The following CACNA2D3 variants were observed in gnomAD, a reference collection of about 807,000 sequenced individuals.
CACNA2D3 encodes calcium voltage-gated channel auxiliary subunit alpha2delta 3.
Under a neutral mutation model 160.6 loss-of-function variants are expected in CACNA2D3, and 60 were observed. The observed-to-expected ratio is 0.37, with a 90% CI of 0.30 to 0.46. The LOEUF (loss-of-function observed/expected upper bound fraction) is 0.46, where lower values mean the gene tolerates loss of function less well. CACNA2D3 is among the 20% of genes least tolerant of loss of function. CACNA2D3 has a pLI of 1.00. For missense variants in CACNA2D3, 1,205 were observed against 1,365.0 expected (o/e 0.88, Z 1.85); for synonymous variants, 558 against 492.9 (o/e 1.13, Z -1.75).
intron 17 of CACNA2D3, among the ~76,000 whole-genome samples, chr3:54,852,496 C>T (rs959457372): frequency 3.9e-5 from 6 of 152,306 alleles, no homozygotes; most frequent in African/African-American, 1.4e-4. Context: ...CGCACCTCCG[C>T]TGGAATTTAA....
At chr3:54,899,005 A>G (rs1485624272) in intron 26 of CACNA2D3, among the ~76,000 whole-genome samples, 2 of 152,154 alleles carry the variant, frequency 1.3e-5, no homozygotes, top group Non-Finnish European at 2.9e-5. Flanking sequence ...AAAATTTCTC[A>G]TTACTTTGGT....
intron 13 of CACNA2D3, among the ~76,000 whole-genome samples, chr3:54,777,744 C>A (rs1416261981): frequency 6.6e-6 from 1 of 152,092 alleles, no homozygotes; most frequent in Non-Finnish European, 1.5e-5. Flanking sequence ...TGGAAAGAGC[C>A]TTCCTTTGAG....
At chr3:54,224,705 CTT>C (rs1270041496) in intron 2 of CACNA2D3, among the ~76,000 whole-genome samples, 1 of 152,140 alleles carries the variant, frequency 6.6e-6, no homozygotes, top group African/African-American at 2.4e-5. Flanking sequence ...TCAGGTCTCT[CTT>C]GTTTTAAATT....
chr3:54,484,660 TTC>T (rs1203970969), intron 4 of CACNA2D3, among the ~76,000 whole-genome samples: 2 of 152,058 alleles, frequency 1.3e-5, no homozygotes, highest in African/African-American at 4.8e-5. Flanking sequence ...AGGCCACATA[TTC>T]TGTGTCTATC....
At chr3:54,931,436 C>T (rs558005756) in intron 27 of CACNA2D3, among the ~76,000 whole-genome samples, 1 of 152,302 alleles carries the variant, frequency 6.6e-6, no homozygotes, top group African/African-American at 2.4e-5. Flanking sequence ...CATGCTAATG[C>T]TAGGCAGTGC....
At chr3:54,833,689 A>G (rs1291489678) in intron 14 of CACNA2D3, among the ~76,000 whole-genome samples, 1 of 152,152 alleles carries the variant, frequency 6.6e-6, no homozygotes, top group African/African-American at 2.4e-5. Context: ...TGAACTTGCA[A>G]ATTGATGTGT....
chr3:54,172,418 A>T (rs772542970), intron 2 of CACNA2D3, among the ~76,000 whole-genome samples: 26 of 151,964 alleles, frequency 1.7e-4, no homozygotes, highest in Non-Finnish European at 3.5e-4. Flanking sequence ...CCTAAATCTA[A>T]AGACTCCCTC....
intron 31 of CACNA2D3, among the ~76,000 whole-genome samples, chr3:54,989,010 G>A (rs552505312): frequency 5.3e-5 from 8 of 152,162 alleles, no homozygotes; most frequent in Non-Finnish European, 1.2e-4. Flanking sequence ...TTGGATCTGG[G>A]CTGGAGTGGC....
chr3:54,244,066 C>T (rs1702023303), intron 2 of CACNA2D3, among the ~76,000 whole-genome samples: 1 of 152,114 alleles, frequency 6.6e-6, no homozygotes, highest in African/African-American at 2.4e-5. Context: ...CCTAGTAATG[C>T]CCCCCAGTCC....
intron 13 of CACNA2D3, among the ~76,000 whole-genome samples, chr3:54,776,639 CTCTG>C (rs1233668250): frequency 6.6e-6 from 1 of 152,142 alleles, no homozygotes; most frequent in East Asian, 1.9e-4. Flanking sequence ...ATTTCTAGAC[CTCTG>C]TCTTTCTGTC....
At chr3:54,383,401 G>C (rs1001009157) in intron 3 of CACNA2D3, among the ~76,000 whole-genome samples, 4 of 152,118 alleles carry the variant, frequency 2.6e-5, no homozygotes, top group Non-Finnish European at 2.9e-5. Flanking sequence ...CAACCCGGTG[G>C]GTGCTGCATG....
intron 4 of CACNA2D3, among the ~76,000 whole-genome samples, chr3:54,466,489 G>A (rs538555316): frequency 1.3e-5 from 2 of 152,224 alleles, no homozygotes; most frequent in Admixed American, 1.3e-4. Flanking sequence ...ATTTTTGGAA[G>A]GAAGGAAAAT....
intron 27 of CACNA2D3, among the ~76,000 whole-genome samples, chr3:54,929,168 AG>A (rs1261155879): frequency 6.6e-6 from 1 of 152,162 alleles, no homozygotes; most frequent in Non-Finnish European, 1.5e-5. Context: ...GCGTGTCTCC[AG>A]GCAAGTGACT....
intron 30 of CACNA2D3, among the ~76,000 whole-genome samples, chr3:54,985,259 A>C (rs1036818476): frequency 1.3e-5 from 2 of 152,092 alleles, no homozygotes; most frequent in Non-Finnish European, 2.9e-5. Flanking sequence ...GGAGGGAGAG[A>C]GATGAAAAGA....
intron 27 of CACNA2D3, among the ~76,000 whole-genome samples, chr3:54,943,248 A>G (rs1488053183): frequency 6.6e-6 from 1 of 152,038 alleles, no homozygotes; most frequent in East Asian, 1.9e-4. Context: ...TTTAAAAAAG[A>G]AAAAAATCAT....
intron 9 of CACNA2D3, among the ~76,000 whole-genome samples, chr3:54,589,012 T>C (rs1044416593): frequency 4.6e-5 from 7 of 152,020 alleles, no homozygotes; most frequent in Non-Finnish European, 7.4e-5. Flanking sequence ...ATCTGCAAGA[T>C]TTGTGTAGAG....
chr3:54,532,700 A>G (rs2106643624), intron 5 of CACNA2D3, among the ~76,000 whole-genome samples: 1 of 152,298 alleles, frequency 6.6e-6, no homozygotes, highest in Non-Finnish European at 1.5e-5. Context: ...CCAGTCATCC[A>G]TTGATGGACA....
intron 2 of CACNA2D3, among the ~76,000 whole-genome samples, chr3:54,253,864 T>C (rs1406086433): frequency 6.6e-6 from 1 of 152,004 alleles, no homozygotes; most frequent in Non-Finnish European, 1.5e-5. Context: ...GCCACCCACG[T>C]TCAAGCAATT....
chr3:55,037,715 A>C (rs3773543), intron 35 of CACNA2D3, among the ~76,000 whole-genome samples: 26,233 of 152,104 alleles, frequency 0.17, 2,412 homozygotes, highest in East Asian at 0.26. Context: ...TGTATGTTTT[A>C]TTTCTTTTTA....
Sources: gnomAD v4.1 joint callset for allele counts (sites outside exome capture counted in the v4.1 genomes callset) on GRCh38, gnomAD v4.1.1 for gene constraint, MANE v1.5 for transcripts, NCBI Gene and HGNC (gene_info 2026-07-23, HGNC 2026-07-21) for gene names.